INHBC: variants seen among roughly 807,000 people sequenced by gnomAD.
The protein encoded by INHBC is inhibin beta C chain.
INHBC carries 10 observed loss-of-function variants against 12.4 expected under a neutral mutation model. That is an observed-to-expected ratio of 0.81 (90% confidence interval 0.50 to 1.37). INHBC has a LOEUF of 1.37. INHBC is among the 40% of genes most tolerant of loss of function. The pLI, the probability that INHBC is intolerant of heterozygous loss-of-function variation, is 0.00. For missense variants in INHBC, 382 were observed against 439.4 expected (o/e 0.87, Z 1.17); for synonymous variants, 147 against 171.6 (o/e 0.86, Z 1.12).
In INHBC at chr12:57,450,062, A is replaced by G. The variant is rs753657914; in HGVS notation, c.*40A>G. ...GGGCAGCCCAAGGTTGCATGGGAAAACACGCCCCTACAGAAGTGCACTTCC... is the reference window on the plus strand; with the variant it reads ...GGGCAGCCCAAGGTTGCATGGGAAAGCACGCCCCTACAGAAGTGCACTTCC... On this transcript the variant is annotated 3_prime_UTR_variant, in exon 2 of 2. Transcript: ENST00000309668. 5.4e-6 allele frequency: 8 copies of G among 1,472,896 alleles called. No individual in the cohort carries two copies. In the Admixed American group the frequency reaches 1.2e-4, roughly 22 times the overall value. 91.2% of individuals were successfully genotyped at this position (1,472,896 alleles called of 1,614,324 possible). A position where few individuals can be genotyped will look rare whatever the true frequency, so the allele number is the denominator to read the frequency against.
chr12:57,434,985 C>T lies in INHBC; in HGVS notation c.99C>T (p.Thr33=). 1 of 1,614,220 alleles carries T rather than the reference C, an allele frequency of 6.2e-7. No individual in the cohort carries two copies. Residue 33 remains threonine (T), a synonymous_variant, in exon 1 of 2, where the codon ACC becomes ACT. Transcript: ENST00000309668. ...AGTGTCCAGCATGTGGGGGGCCCACCTTGGAACTGGAGAGCCAGCGGGAGC... is the reference window on the plus strand; with the variant it reads ...AGTGTCCAGCATGTGGGGGGCCCACTTTGGAACTGGAGAGCCAGCGGGAGC... The part of the protein sequence containing the change: ...GGQCPACGGP[T]LELESQRELL...
At chr12:57,447,477 G>A (rs896139803) in intron 1 of INHBC, among the ~76,000 whole-genome samples, 5 of 151,662 alleles carry the variant, frequency 3.3e-5, no homozygotes, top group Non-Finnish European at 2.9e-5. Flanking sequence ...GAGCCACCAC[G>A]CCTAGCTGAT....
rs1253762369 is a variant in INHBC, at chr12:57,451,624, T to C, written c.*1602T>C. ...TGGTAAACGTGATGTCTGTGTTTGC[T>C]CAGTTTATGACCCCCTCCTATGAGG... On this transcript the variant is annotated 3_prime_UTR_variant, in exon 2 of 2. Transcript: ENST00000309668. Among the ~76,000 whole-genome samples, 1 of 152,158 alleles carries C rather than the reference T, an allele frequency of 6.6e-6. No individual in the cohort carries two copies. Among genetic ancestry groups the C allele is most frequent in the Non-Finnish European group, 1.5e-5 (1 of 68,026 alleles).
At chr12:57,447,183 TG>T (rs1307649693) in intron 1 of INHBC, among the ~76,000 whole-genome samples, 1 of 152,062 alleles carries the variant, frequency 6.6e-6, no homozygotes, top group Non-Finnish European at 1.5e-5. Context: ...AATCATAGTT[TG>T]TTTTTTTTTT....
intron 1 of INHBC, among the ~76,000 whole-genome samples, chr12:57,448,682 T>A (rs1443587679): frequency 6.6e-6 from 1 of 151,300 alleles, no homozygotes; most frequent in East Asian, 1.9e-4. Flanking sequence ...AAAACTCTGA[T>A]ATTAAAGGGA....
chr12:57,435,889 C>A (rs1422332811), intron 1 of INHBC, among the ~76,000 whole-genome samples: 1 of 151,886 alleles, frequency 6.6e-6, no homozygotes, highest in African/African-American at 2.4e-5. Flanking sequence ...CTCTGTCACC[C>A]AGGCTGGAGT....
intron 1 of INHBC, among the ~76,000 whole-genome samples, chr12:57,446,315 A>G (rs1338540288): frequency 6.6e-6 from 1 of 152,096 alleles, no homozygotes; most frequent in Non-Finnish European, 1.5e-5. Flanking sequence ...CCACTTGGAC[A>G]TACAAGGCTG....
chr12:57,437,040 A>C (rs75889771), intron 1 of INHBC, among the ~76,000 whole-genome samples: 5,389 of 151,914 alleles, frequency 0.035, 213 homozygotes, highest in East Asian at 0.22. Context: ...CAAGCAATCC[A>C]CTCGCCTCGG....
chr12:57,438,980 G>A (rs184006396), intron 1 of INHBC, among the ~76,000 whole-genome samples: 6 of 152,282 alleles, frequency 3.9e-5, no homozygotes, highest in African/African-American at 1.4e-4. Context: ...AAAGCTGATT[G>A]TGAACATCTT....
chr12:57,435,240 C>G (rs748738561), intron 1 of INHBC, 41 bp downstream of exon 1: 2 of 1,550,948 alleles, frequency 1.3e-6, no homozygotes, highest in South Asian at 1.2e-5. Context: ...AACTTGACCC[C>G]TCAAGGAAAG....
chr12:57,443,100 A>G (rs577284632), intron 1 of INHBC, among the ~76,000 whole-genome samples: 2 of 146,298 alleles, frequency 1.4e-5, no homozygotes, highest in African/African-American at 5.0e-5. Flanking sequence ...TTCCATTCCC[A>G]TAATAAAGCA....
intron 1 of INHBC, among the ~76,000 whole-genome samples, chr12:57,439,225 A>G (rs1170552811): frequency 1.3e-5 from 2 of 152,238 alleles, no homozygotes; most frequent in African/African-American, 4.8e-5. Context: ...GGATAAACAT[A>G]ATAGATATTC....
chr12:57,447,364 T>A (rs932133579), intron 1 of INHBC, among the ~76,000 whole-genome samples: 2 of 151,412 alleles, frequency 1.3e-5, no homozygotes, highest in African/African-American at 4.9e-5. Flanking sequence ...TTTGTATTTT[T>A]AGTAGAGATG....
chr12:57,447,890 A>AAAAAAAAT (rs1566551396), intron 1 of INHBC, among the ~76,000 whole-genome samples: 1 of 39,058 alleles, frequency 2.6e-5, no homozygotes, highest in Non-Finnish European at 5.9e-5. Flanking sequence ...AAAAAAAAAA[A>AAAAAAAAT]AAATATATAT....
intron 1 of INHBC, among the ~76,000 whole-genome samples, chr12:57,439,324 G>A (rs1040332294): frequency 1.7e-4 from 26 of 152,248 alleles, no homozygotes; most frequent in Middle Eastern, 3.4e-3. Flanking sequence ...AAATATCTAG[G>A]TCCACTCCAA....
chr12:57,448,216 G>A (rs560667411), intron 1 of INHBC, among the ~76,000 whole-genome samples: 2 of 151,886 alleles, frequency 1.3e-5, no homozygotes, highest in East Asian at 1.9e-4. Context: ...CTATATGTCC[G>A]GTCCAAATAT....
At chr12:57,443,149 T>C (rs1295673918) in intron 1 of INHBC, among the ~76,000 whole-genome samples, 1 of 139,552 alleles carries the variant, frequency 7.2e-6, no homozygotes, top group Non-Finnish European at 1.5e-5. Flanking sequence ...GACGGAGTCT[T>C]GCTCTGTTGC....
chr12:57,434,981 C>A lies in INHBC; in HGVS notation c.95C>A (p.Pro32His), dbSNP rs1197688672. 1.9e-6 allele frequency: 3 copies of A among 1,614,074 alleles called. No homozygotes were observed. Among genetic ancestry groups the A allele is most frequent in the African/African-American group, 1.3e-5 (1 of 74,936 alleles). ...AGGQCPACGG[P>H]TLELESQREL... ...GGTCAGTGTCCAGCATGTGGGGGGC[C>A]CACCTTGGAACTGGAGAGCCAGCGG... The change falls in exon 1 of 2, where the codon CCC (proline) becomes CAC (histidine). Residue 32 changes from proline (P) to histidine (H), a missense_variant. Coordinates refer to ENST00000309668, the MANE Select transcript of INHBC (RefSeq NM_005538.4).
At chr12:57,436,868 C>T (rs1433644517) in intron 1 of INHBC, among the ~76,000 whole-genome samples, 12 of 151,166 alleles carry the variant, frequency 7.9e-5, no homozygotes, top group Admixed American at 5.3e-4. Flanking sequence ...AGGGTTTCAC[C>T]GTGTTAGCCA....
Sources: gnomAD v4.1 joint callset for allele counts (sites outside exome capture counted in the v4.1 genomes callset) on GRCh38, gnomAD v4.1.1 for gene constraint, MANE v1.5 for transcripts, NCBI Gene and HGNC (gene_info 2026-07-23, HGNC 2026-07-21) for gene names.